Variants in COL28A1 observed in about 807,000 individuals in gnomAD.
COL28A1 encodes collagen alpha-1(XXVIII) chain.
Under a neutral mutation model 150.2 loss-of-function variants are expected in COL28A1, and 161 were observed. That is an observed-to-expected ratio of 1.07 (90% CI 0.94 to 1.22). COL28A1 has a LOEUF of 1.22. Among genes scored for constraint, COL28A1 ranks in the 50% most tolerant of loss-of-function variants. The pLI, the probability that COL28A1 is intolerant of heterozygous loss-of-function variation, is 0.00. For missense variants in COL28A1, 1,617 were observed against 1,388.3 expected (o/e 1.16, Z -2.62); for synonymous variants, 552 against 469.7 (o/e 1.18, Z -2.26).
chr7:7,480,177 C>G (rs1789273486), intron 13 of COL28A1, among the ~76,000 whole-genome samples: 1 of 152,166 alleles, frequency 6.6e-6, no homozygotes, highest in Non-Finnish European at 1.5e-5. Context: ...AGTGACTGAT[C>G]ATAGTTATAG....
chr7:7,425,854 G>A (rs6946064), intron 25 of COL28A1, among the ~76,000 whole-genome samples: 35,931 of 152,030 alleles, frequency 0.24, 6,357 homozygotes, highest in African/African-American at 0.5. Flanking sequence ...AGGTTTCAAG[G>A]TGGAGCAGTG....
intron 9 of COL28A1, among the ~76,000 whole-genome samples, chr7:7,507,959 G>A (rs539651905): frequency 2.3e-4 from 35 of 152,178 alleles, no homozygotes; most frequent in Admixed American, 5.2e-4. Context: ...CCGGCCAGGC[G>A]TGCTGGCTCA....
chr7:7,407,990 G>A (rs146352029), intron 27 of COL28A1, among the ~76,000 whole-genome samples: 2 of 152,046 alleles, frequency 1.3e-5, no homozygotes, highest in Non-Finnish European at 2.9e-5. Context: ...GGGTCCTAAC[G>A]AAGTCATCAC....
chr7:7,419,911 G>T lies in COL28A1; in HGVS notation c.2041C>A (p.Arg681=). The T allele has an allele frequency of 6.2e-7, 1 of 1,601,822 alleles. No homozygotes were observed. The highest frequency in any genetic ancestry group is 1.1e-5 in the South Asian group (1 of 88,934). The part of the protein sequence containing the change: ...VRGPPGPSGP[R]GVGTQGPKGD... ...TTTGGCCCTTGGGTTCCTACGCCCC[G>T]AGGCCCAGAAGGACCTGGAGGGCCT... Residue 681 remains arginine, a synonymous_variant, in exon 26 of 35, where the codon CGG becomes AGG. Coordinates refer to ENST00000399429, the MANE Select transcript of COL28A1 (RefSeq NM_001037763.3).
Position 7,463,772 on chromosome 7 carries a change from A to G in COL28A1, c.1303-7660T>C, listed in dbSNP as rs180781227. 1.7e-4 allele frequency among the ~76,000 whole-genome samples: 26 copies of G among 152,320 alleles called. No individual in the cohort carries two copies. In the East Asian group the frequency reaches 4.8e-3, roughly 28 times the overall value. The stretch of plus-strand genomic sequence containing the variant: ...AAAACAAAAATATAATAAAAAAGGT[A>G]TATAGGCAAAAAATAGCACAGTGAA... On this transcript the variant is annotated intron_variant, in intron 15 of 34. Coordinates refer to ENST00000399429, the MANE Select transcript of COL28A1 (RefSeq NM_001037763.3).
chr7:7,475,644 T>C (rs1788805680), intron 14 of COL28A1, among the ~76,000 whole-genome samples: 1 of 152,252 alleles, frequency 6.6e-6, no homozygotes. Context: ...CACATATTCA[T>C]TTCTCATTTA....
At position 7,384,396 on chromosome 7, in the gene COL28A1, C is replaced by G. The variant is rs141707075; in HGVS notation, c.2137-2784G>C. 6.5e-3 allele frequency among the ~76,000 whole-genome samples: 984 copies of G among 152,220 alleles called. 15 individuals are homozygous for G. Among genetic ancestry groups the G allele is most frequent in the African/African-American group, 0.022 (933 of 41,544 alleles). The stretch of plus-strand genomic sequence containing the variant: ...GTCAGAATAGAATACAGTAGTCCCC[C>G]TTTATCTGTACTTTCATTTCCCATG... On this transcript the variant is annotated intron_variant, in intron 27 of 34. Coordinates refer to ENST00000399429, the MANE Select transcript of COL28A1 (RefSeq NM_001037763.3).
intron 14 of COL28A1, among the ~76,000 whole-genome samples, chr7:7,475,875 T>C (rs1324466344): frequency 6.6e-6 from 1 of 152,242 alleles, no homozygotes; most frequent in Non-Finnish European, 1.5e-5. Flanking sequence ...TATCCCTTTA[T>C]CCAACATATT....
At chr7:7,354,707 A>G (rs1780309288), downstream of COL28A1, among the ~76,000 whole-genome samples, 1 of 152,168 alleles carries the variant, frequency 6.6e-6, no homozygotes, top group South Asian at 2.1e-4. Context: ...AAATATTGGG[A>G]CACTTCCATA....
At chr7:7,378,315 C>T (rs560748158) in intron 30 of COL28A1, among the ~76,000 whole-genome samples, 2 of 152,242 alleles carry the variant, frequency 1.3e-5, no homozygotes, top group African/African-American at 4.8e-5. Flanking sequence ...TTTTCATTCA[C>T]TATATGCTTT....
intron 25 of COL28A1, among the ~76,000 whole-genome samples, chr7:7,421,571 A>G (rs906220894): frequency 1.3e-5 from 2 of 152,218 alleles, no homozygotes; most frequent in Non-Finnish European, 2.9e-5. Context: ...GTTACCAGCT[A>G]AACAGCTTCC....
chr7:7,401,209 G>T (rs937215813), intron 27 of COL28A1, among the ~76,000 whole-genome samples: 3 of 151,788 alleles, frequency 2.0e-5, no homozygotes, highest in Non-Finnish European at 4.4e-5. Flanking sequence ...AGCCTTCTTT[G>T]CCAGGTCCTC....
intron 30 of COL28A1, among the ~76,000 whole-genome samples, chr7:7,377,531 G>A (rs902511501): frequency 8.5e-5 from 13 of 152,152 alleles, no homozygotes; most frequent in East Asian, 3.9e-4. Context: ...GAAGGGGAGC[G>A]TTCAGGCAAG....
chr7:7,481,353 T>A (rs1378007071), intron 13 of COL28A1, among the ~76,000 whole-genome samples: 1 of 152,198 alleles, frequency 6.6e-6, no homozygotes, highest in Non-Finnish European at 1.5e-5. Flanking sequence ...TTCCACGCCA[T>A]CAGTATATTC....
At chr7:7,537,396 G>A (rs1365788344), upstream of COL28A1, among the ~76,000 whole-genome samples, 5 of 152,152 alleles carry the variant, frequency 3.3e-5, no homozygotes, top group African/African-American at 1.2e-4. Flanking sequence ...AGTGAGCCTG[G>A]CCCAGGAATT....
chr7:7,427,846 C>T (rs1305101776), intron 25 of COL28A1, among the ~76,000 whole-genome samples: 3 of 152,162 alleles, frequency 2.0e-5, no homozygotes, highest in Non-Finnish European at 2.9e-5. Flanking sequence ...ACTGCACACA[C>T]AAAAGAGTGC....
chr7:7,379,002 G>A (rs568498424), intron 30 of COL28A1, among the ~76,000 whole-genome samples: 2 of 152,316 alleles, frequency 1.3e-5, no homozygotes, highest in East Asian at 3.9e-4. Context: ...CTGGGCCCAT[G>A]CATCCAGGCC....
chr7:7,366,211 T>A (rs1780924390), intron 33 of COL28A1, among the ~76,000 whole-genome samples: 2 of 152,194 alleles, frequency 1.3e-5, no homozygotes, highest in Admixed American at 1.3e-4. Context: ...TCCCCTAACA[T>A]CAGGCAGCTA....
At chr7:7,509,135 A>C (rs1780985518) in intron 9 of COL28A1, among the ~76,000 whole-genome samples, 1 of 151,154 alleles carries the variant, frequency 6.6e-6, no homozygotes, top group South Asian at 2.1e-4. Context: ...CGCCCAGCCT[A>C]TTTTGTTTTT....
Sources: allele counts gnomAD v4.1 joint callset (sites outside exome capture counted in the v4.1 genomes callset), GRCh38; gene constraint gnomAD v4.1.1; transcripts MANE v1.5; gene names NCBI Gene and HGNC (gene_info 2026-07-23, HGNC 2026-07-21).